Variants in KIF3B observed in about 807,000 individuals in gnomAD.
KIF3B encodes kinesin-like protein KIF3B.
A neutral mutation model predicts 74.3 loss-of-function variants in KIF3B; 38 were observed. That is an observed-to-expected ratio of 0.51 (90% CI 0.39 to 0.67). The LOEUF (loss-of-function observed/expected upper bound fraction) is 0.67, where lower values mean the gene tolerates loss of function less well. Ranked by LOEUF, KIF3B falls within the 30% of genes least tolerant of loss-of-function variation. The probability of loss-of-function intolerance (pLI) is 0.00; values close to 1 mark genes in which losing one functional copy is unlikely to be tolerated. For missense variants in KIF3B, 649 were observed against 932.0 expected (o/e 0.70, Z 3.95); for synonymous variants, 326 against 342.5 (o/e 0.95, Z 0.53).
chr20:32,317,276 T>C (rs2047832882), intron 5 of KIF3B, among the ~76,000 whole-genome samples: 1 of 152,074 alleles, frequency 6.6e-6, no homozygotes, highest in Non-Finnish European at 1.5e-5. Context: ...CTTCTCCAGC[T>C]CATCTCCTGC....
At chr20:32,323,468 C>T (rs547696652) in intron 5 of KIF3B, among the ~76,000 whole-genome samples, 6 of 152,010 alleles carry the variant, frequency 3.9e-5, no homozygotes, top group South Asian at 2.1e-4. Flanking sequence ...GGCGCGGTCT[C>T]GGCTCACTGC....
intron 1 of KIF3B, among the ~76,000 whole-genome samples, chr20:32,286,795 T>C (rs919375268): frequency 6.6e-6 from 1 of 152,210 alleles, no homozygotes; most frequent in Non-Finnish European, 1.5e-5. Flanking sequence ...ATTTTCAACA[T>C]TTAAACATTA....
intron 1 of KIF3B, among the ~76,000 whole-genome samples, chr20:32,282,005 A>G (rs775149891): frequency 5.3e-5 from 8 of 152,164 alleles, no homozygotes; most frequent in Non-Finnish European, 1.0e-4. Context: ...CTTGTCTGCT[A>G]GAGTAATGAG....
At position 32,330,214 on chromosome 20, in the gene KIF3B, C is replaced by T. The variant is rs1282964326; in HGVS notation, c.2042C>T (p.Ala681Val). Residue 681 changes from alanine to valine, a missense_variant, in exon 8 of 9, where the codon GCC (alanine) becomes GTC (valine). Around this residue, in one of 4 missense-constraint regions of KIF3B, gnomAD observed 186 missense variants for 198.5 expected, o/e 0.94. Coordinates refer to ENST00000375712, the MANE Select transcript of KIF3B (RefSeq NM_004798.4). ...TTRDYEGPAI[A>V]PKVQAALDAA... Reference sequence around the variant, plus strand: ...AGAGACTATGAGGGTCCAGCCATTGCCCCCAAGGTCCAGGCTGCATTGGAT... The same window carrying T: ...AGAGACTATGAGGGTCCAGCCATTGTCCCCAAGGTCCAGGCTGCATTGGAT... 1 of 1,614,024 alleles carries T rather than the reference C, an allele frequency of 6.2e-7. No individual in the cohort carries two copies. The highest frequency in any genetic ancestry group is 2.2e-5 in the East Asian group (1 of 44,878).
chr20:32,285,099 CAAA>C (rs11480924), intron 1 of KIF3B, among the ~76,000 whole-genome samples: 1 of 102,490 alleles, frequency 9.8e-6, no homozygotes. Flanking sequence ...AAATGATGAC[CAAA>C]AAAAAAAAAA....
At chr20:32,292,630 C>T (rs909898108) in intron 1 of KIF3B, among the ~76,000 whole-genome samples, 6 of 149,536 alleles carry the variant, frequency 4.0e-5, no homozygotes, top group South Asian at 4.3e-4. Flanking sequence ...CAGTGGCGCA[C>T]GCCTGTAGTC....
chr20:32,320,579 T>C (rs938263024), intron 5 of KIF3B, among the ~76,000 whole-genome samples: 2 of 151,294 alleles, frequency 1.3e-5, no homozygotes, highest in Non-Finnish European at 2.9e-5. Flanking sequence ...AGTGCAGTGG[T>C]GCCATCATAG....
At chr20:32,299,556 G>A (rs558919768) in intron 1 of KIF3B, among the ~76,000 whole-genome samples, 2 of 150,310 alleles carry the variant, frequency 1.3e-5, no homozygotes, top group South Asian at 2.1e-4. Context: ...GGATTACAGC[G>A]CATCGCAGCA....
rs2047946860 is a variant in KIF3B at position 32,334,628 on chromosome 20, A to G, written c.*3309A>G. ...GGGCTGTTAATATACTCTAAAAGCC[A>G]TACTAAAAATGCTCTGAGGGAACTG... is the stretch of plus-strand genomic sequence containing the variant. On this transcript the variant is annotated 3_prime_UTR_variant, in exon 9 of 9. Transcript: ENST00000375712. 6.6e-6 allele frequency: 1 copy of G among 152,478 alleles called. No homozygotes were observed. The highest frequency in any genetic ancestry group is 2.4e-5 in the African/African-American group (1 of 41,458). 9.4% of individuals were successfully genotyped at this position (152,478 alleles called of 1,614,324 possible).
intron 1 of KIF3B, among the ~76,000 whole-genome samples, chr20:32,283,882 C>A (rs2047655433): frequency 6.6e-6 from 1 of 152,074 alleles, no homozygotes; most frequent in Admixed American, 6.5e-5. Context: ...ATCCACTCAC[C>A]TTGGCCTCTC....
chr20:32,316,886 G>A lies in KIF3B; in HGVS notation c.1748+12G>A. 1 of 1,565,642 alleles carries A rather than the reference G, an allele frequency of 6.4e-7. No homozygotes were observed. Among genetic ancestry groups the A allele is most frequent in the Non-Finnish European group, 8.8e-7 (1 of 1,136,406 alleles). On this transcript the variant is annotated intron_variant, in intron 5 of 8. Coordinates refer to ENST00000375712, the MANE Select transcript of KIF3B (RefSeq NM_004798.4). Reference sequence around the variant, plus strand: ...GAGCTGAAACTCAAGTAAGTGCCAGGCCTTCCATAGTGCCCCCAAGCCACT... The same window carrying A: ...GAGCTGAAACTCAAGTAAGTGCCAGACCTTCCATAGTGCCCCCAAGCCACT...
intron 1 of KIF3B, 51 bp from the exon 2 acceptor site, chr20:32,309,662 A>G: frequency 8.6e-6 from 10 of 1,156,400 alleles, no homozygotes; most frequent in Non-Finnish European, 1.2e-5. Context: ...TCTGTCAGGC[A>G]GGCTGCAATG....
chr20:32,288,705 A>G (rs1274802898), intron 1 of KIF3B, among the ~76,000 whole-genome samples: 1 of 152,082 alleles, frequency 6.6e-6, no homozygotes, highest in African/African-American at 2.4e-5. Context: ...AACTGGAAAC[A>G]TTTTATGTAC....
chr20:32,323,094 TTATATATTTA>T (rs1479032657), intron 5 of KIF3B, among the ~76,000 whole-genome samples: 12 of 66,872 alleles, frequency 1.8e-4, no homozygotes, highest in Non-Finnish European at 2.8e-4. Context: ...ATATTTATAT[TTATATATTTA>T]TATATATTTA....
chr20:32,290,577 A>G (rs779320494), intron 1 of KIF3B, among the ~76,000 whole-genome samples: 1 of 152,086 alleles, frequency 6.6e-6, no homozygotes, highest in Non-Finnish European at 1.5e-5. Context: ...TGGATAAAGA[A>G]TATGTGGTAC....
chr20:32,327,446 A>T lies in KIF3B; in HGVS notation c.1863-110A>T, dbSNP rs938363040. On this transcript the variant is annotated intron_variant, in intron 6 of 8. Coordinates refer to ENST00000375712, the MANE Select transcript of KIF3B (RefSeq NM_004798.4). ...AACAGAAGCATTTCCCGTCCCACTTACGTCAGCCTGCAGTCCAGGGAGTTA... is the reference window on the plus strand; with the variant it reads ...AACAGAAGCATTTCCCGTCCCACTTTCGTCAGCCTGCAGTCCAGGGAGTTA... 1.0e-5 allele frequency: 8 copies of T among 768,470 alleles called. No individual in the cohort carries two copies. The African/African-American group carries it at 1.2e-4, about 12-fold the overall frequency. 47.6% of individuals were successfully genotyped at this position (768,470 alleles called of 1,614,324 possible).
At chr20:32,295,886 A>C (rs2047714500) in intron 1 of KIF3B, among the ~76,000 whole-genome samples, 1 of 138,360 alleles carries the variant, frequency 7.2e-6, no homozygotes, top group African/African-American at 2.7e-5. Flanking sequence ...TTAAATTGAG[A>C]CAGAATCTTG....
chr20:32,331,250 C>CT lies in KIF3B; in HGVS notation c.2176dup (p.Ser726PhefsTer43). On this transcript the variant is annotated frameshift_variant, in exon 9 of 9. Coordinates refer to ENST00000375712, the MANE Select transcript of KIF3B (RefSeq NM_004798.4). LOFTEE classifies it high-confidence loss of function. Reference sequence around the variant, plus strand: ...CTAAAAGTGGAAGGAAGTCGGGATCCTCCTCCTCTTCCTCAGGAACCCCTG... The same window carrying CT: ...CTAAAAGTGGAAGGAAGTCGGGATCCTTCCTCCTCTTCCTCAGGAACCCCTG... 1 of 1,613,230 alleles carries CT rather than the reference C, an allele frequency of 6.2e-7. No individual in the cohort carries two copies. Among genetic ancestry groups the CT allele is most frequent in the Non-Finnish European group, 8.5e-7 (1 of 1,179,710 alleles).
chr20:32,305,592 T>TTTTG (rs1555895448), intron 1 of KIF3B, among the ~76,000 whole-genome samples: 1 of 88,572 alleles, frequency 1.1e-5, no homozygotes, highest in African/African-American at 3.4e-5. Flanking sequence ...TTTTTTTTTT[T>TTTTG]TGTGTGTGTA....
Sources: allele counts gnomAD v4.1 joint callset (sites outside exome capture counted in the v4.1 genomes callset), GRCh38; gene constraint gnomAD v4.1.1; regional missense constraint gnomAD v4.1.1; transcripts MANE v1.5; gene names NCBI Gene and HGNC (gene_info 2026-07-23, HGNC 2026-07-21).